The following ALPK2 variants were observed in gnomAD, a reference collection of about 807,000 sequenced individuals.
The protein encoded by ALPK2 is alpha-protein kinase 2.
Under a neutral mutation model 163.1 loss-of-function variants are expected in ALPK2, and 127 were observed. The ratio of observed to expected loss-of-function variants is 0.78; its 90% CI spans 0.67 to 0.90. The LOEUF is 0.90. Among genes scored for constraint, ALPK2 ranks in the 40% least tolerant of loss-of-function variants. ALPK2 has a pLI of 0.00. For synonymous variants in ALPK2, 953 were observed against 959.1 expected, an observed-to-expected ratio of 0.99 and a Z score of 0.12; for missense variants, 2,360 against 2,589.6, an observed-to-expected ratio of 0.91 and a Z score of 1.92.
chr18:58,531,607 C>T (rs8085081), intron 5 of ALPK2, among the ~76,000 whole-genome samples: 2,664 of 140,538 alleles, frequency 0.019, 72 homozygotes, highest in African/African-American at 0.066. Context: ...AATTGGCCCA[C>T]GGCTAGAAAA....
At chr18:58,515,384 G>A (rs557305983) in intron 9 of ALPK2, among the ~76,000 whole-genome samples, 1 of 152,358 alleles carries the variant, frequency 6.6e-6, no homozygotes, top group South Asian at 2.1e-4. Flanking sequence ...TAAGGGGACT[G>A]GCCCCTCATC....
At chr18:58,617,028 C>T (rs1463886746) in intron 1 of ALPK2, among the ~76,000 whole-genome samples, 1 of 152,060 alleles carries the variant, frequency 6.6e-6, no homozygotes, top group African/African-American at 2.4e-5. Flanking sequence ...TGCAGCTTGG[C>T]GTATGGGGTA....
intron 12 of ALPK2, among the ~76,000 whole-genome samples, chr18:58,493,895 CT>C (rs2051387821): frequency 2.0e-5 from 3 of 152,134 alleles, no homozygotes; most frequent in Admixed American, 6.5e-5. Flanking sequence ...GCTAATGGTA[CT>C]TTTCTTTGTT....
intron 12 of ALPK2, among the ~76,000 whole-genome samples, chr18:58,494,372 A>T (rs4343369): frequency 0.94 from 142,723 of 152,276 alleles, 67,535 homozygotes; most frequent in East Asian, 1. Context: ...ACTCCTGTTA[A>T]AAGGAACATA....
chr18:58,533,208 C>A (rs561245856), intron 5 of ALPK2, among the ~76,000 whole-genome samples: 28 of 152,324 alleles, frequency 1.8e-4, no homozygotes, highest in African/African-American at 5.8e-4. Context: ...CAGCTGAAAT[C>A]AAAGTCTTTG....
chr18:58,552,496 G>A (rs11662545), intron 4 of ALPK2, among the ~76,000 whole-genome samples: 18,684 of 152,234 alleles, frequency 0.12, 1,214 homozygotes, highest in East Asian at 0.2. Flanking sequence ...TAATCTACTT[G>A]GGGGAGAAGA....
intron 1 of ALPK2, among the ~76,000 whole-genome samples, chr18:58,619,921 G>A (rs536870052): frequency 8.5e-4 from 130 of 152,310 alleles, no homozygotes; most frequent in African/African-American, 1.4e-3. Context: ...ATAACCTAAC[G>A]GTCCAACTAG....
chr18:58,593,354 A>T (rs2144211895), intron 3 of ALPK2, among the ~76,000 whole-genome samples: 1 of 151,686 alleles, frequency 6.6e-6, no homozygotes, highest in Middle Eastern at 3.4e-3. Context: ...TCATGAGGTC[A>T]GGAGTTCAAG....
intron 9 of ALPK2, 94 bp from the exon 10 acceptor site, chr18:58,515,175 TA>T: frequency 2.1e-6 from 2 of 965,116 alleles, no homozygotes; most frequent in Non-Finnish European, 1.5e-6. Flanking sequence ...CCCAGTAAGG[TA>T]AAGCCAATGA....
chr18:58,518,609 T>C (rs1176013199), intron 8 of ALPK2, among the ~76,000 whole-genome samples: 8 of 152,164 alleles, frequency 5.3e-5, no homozygotes, highest in Admixed American at 5.2e-4. Context: ...AATCAGGACA[T>C]AAATTTATAA....
chr18:58,551,872 G>A (rs2051761839), intron 4 of ALPK2, among the ~76,000 whole-genome samples: 1 of 152,178 alleles, frequency 6.6e-6, no homozygotes, highest in African/African-American at 2.4e-5. Flanking sequence ...ACTTCAGAAT[G>A]TTCTGATGAA....
chr18:58,596,039 A>G (rs1408431542), intron 3 of ALPK2, among the ~76,000 whole-genome samples: 1 of 152,144 alleles, frequency 6.6e-6, no homozygotes, highest in Non-Finnish European at 1.5e-5. Flanking sequence ...GCTCAATTTG[A>G]TCTGAGTTCC....
At position 58,538,266 on chromosome 18, in the gene ALPK2, A is replaced by G. The variant is rs749708472; in HGVS notation, c.1963-42T>C. ...TGATATTAGTAGAATTGTTCATGGG[A>G]GAGCCCACAATAGGGCATAACTGCA... is the stretch of plus-strand genomic sequence containing the variant. On this transcript the variant is annotated intron_variant, in intron 4 of 12. Transcript: ENST00000361673. 3 of 1,552,888 alleles carry G rather than the reference A, an allele frequency of 1.9e-6. No homozygotes were observed. In the East Asian group the frequency reaches 6.7e-5, roughly 35 times the overall value.
chr18:58,529,605 G>A (rs904401031), intron 5 of ALPK2, among the ~76,000 whole-genome samples: 1 of 152,196 alleles, frequency 6.6e-6, no homozygotes, highest in African/African-American at 2.4e-5. Flanking sequence ...CATCCAGGTC[G>A]AAATCAGAGC....
chr18:58,489,256 GA>G (rs1427251122), intron 12 of ALPK2, among the ~76,000 whole-genome samples: 2 of 152,160 alleles, frequency 1.3e-5, no homozygotes, highest in African/African-American at 4.8e-5. Context: ...GAGGATGTGT[GA>G]AAATGTTTCA....
chr18:58,570,891 C>T (rs1431252245), intron 4 of ALPK2, among the ~76,000 whole-genome samples: 2 of 152,212 alleles, frequency 1.3e-5, no homozygotes. Context: ...CTGATGGGGG[C>T]ACCTCTTTCC....
intron 4 of ALPK2, among the ~76,000 whole-genome samples, chr18:58,571,116 C>T (rs1487808946): frequency 1.3e-5 from 2 of 151,994 alleles, no homozygotes; most frequent in Admixed American, 6.6e-5. Context: ...CCACCTCCCA[C>T]GTTCAAGCAA....
rs1461181352 is a variant in ALPK2 at position 58,611,746 on chromosome 18, A to C, written c.52T>G (p.Leu18Val). The C allele has an allele frequency of 6.2e-7, 1 of 1,612,752 alleles. No homozygotes were observed. The change falls in exon 2 of 13, where the codon TTG becomes GTG. Residue 18 changes from leucine (L) to valine (V), a missense_variant. Transcript: ENST00000361673. ...TTCTCAGGAACCTTCTGGGAAAGCA[A>C]TGTAGATAAAAAACACAGCGGGGGC... ...QRPPLCFLST[L>V]LSQKVPEKSD...
intron 12 of ALPK2, among the ~76,000 whole-genome samples, chr18:58,486,423 G>A (rs2051339212): frequency 6.6e-6 from 1 of 152,164 alleles, no homozygotes; most frequent in African/African-American, 2.4e-5. Flanking sequence ...AGAGTTAGGG[G>A]TGTATGCGCC....
Sources: allele counts gnomAD v4.1 joint callset (sites outside exome capture counted in the v4.1 genomes callset), GRCh38; gene constraint gnomAD v4.1.1; transcripts MANE v1.5; gene names NCBI Gene and HGNC (gene_info 2026-07-23, HGNC 2026-07-21).